Variants in KIF2A observed in about 807,000 individuals in gnomAD.
KIF2A encodes kinesin-like protein KIF2A.
Under a neutral mutation model 100.2 loss-of-function variants are expected in KIF2A, and 22 were observed. The observed-to-expected ratio is 0.22, with a 90% confidence interval of 0.16 to 0.31. The LOEUF is 0.31. KIF2A is among the 10% of genes least tolerant of loss of function. The pLI is 1.00. For synonymous variants in KIF2A, 268 were observed against 285.9 expected (o/e 0.94, Z 0.63); for missense variants, 495 against 898.7 (o/e 0.55, Z 5.74).
At chr5:62,332,184 T>A (rs947761758) in intron 1 of KIF2A, among the ~76,000 whole-genome samples, 1 of 152,212 alleles carries the variant, frequency 6.6e-6, no homozygotes, top group African/African-American at 2.4e-5. Context: ...AACTTGTTTT[T>A]GACAGCTCAA....
chr5:62,379,841 C>G (rs984043563), intron 19 of KIF2A, among the ~76,000 whole-genome samples: 2 of 152,138 alleles, frequency 1.3e-5, no homozygotes, highest in African/African-American at 4.8e-5. Flanking sequence ...AGCAAATCCA[C>G]GTATAAGAGC....
chr5:62,352,985 A>G (rs1056760434), intron 5 of KIF2A: 1 of 425,714 alleles, frequency 2.3e-6, no homozygotes, highest in African/African-American at 2.1e-5. Context: ...GATGTTACAG[A>G]AGAATGTGTT....
intron 19 of KIF2A, among the ~76,000 whole-genome samples, chr5:62,378,985 C>T (rs953886098): frequency 2.0e-5 from 3 of 151,770 alleles, no homozygotes; most frequent in Admixed American, 1.3e-4. Context: ...AAGTAGAGAA[C>T]GGATGCTAAT....
At chr5:62,322,773 A>G (rs975654848) in intron 1 of KIF2A, among the ~76,000 whole-genome samples, 4 of 151,994 alleles carry the variant, frequency 2.6e-5, no homozygotes, top group African/African-American at 7.2e-5. Context: ...CAGAGACCAT[A>G]GTAAACACAG....
Position 62,357,762 on chromosome 5 carries a change from G to C in KIF2A, c.709+17G>C. 1 of 1,423,524 alleles carries C rather than the reference G, an allele frequency of 7.0e-7. No homozygotes were observed. Among genetic ancestry groups the C allele is most frequent in the Non-Finnish European group, 9.9e-7 (1 of 1,013,590 alleles). 88.2% of individuals were successfully genotyped at this position (1,423,524 alleles called of 1,614,324 possible). A position where few individuals can be genotyped will look rare whatever the true frequency, so the allele number is the denominator to read the frequency against. ...ATAAAAAAGGTATGGCACTTAATGA[G>C]CTCTAATAAAAGATTGATTTTATCT... On this transcript the variant is annotated intron_variant, in intron 8 of 20. Transcript: ENST00000407818.
intron 16 of KIF2A, among the ~76,000 whole-genome samples, chr5:62,370,112 T>G (rs1741251281): frequency 6.6e-6 from 1 of 152,228 alleles, no homozygotes; most frequent in Non-Finnish European, 1.5e-5. Flanking sequence ...AGTGAGCAGT[T>G]CTGTCTAAAA....
intron 1 of KIF2A, among the ~76,000 whole-genome samples, chr5:62,332,035 A>G (rs1746683841): frequency 6.6e-6 from 1 of 152,182 alleles, no homozygotes; most frequent in Non-Finnish European, 1.5e-5. Context: ...TATACTTTAT[A>G]TGCTAGACAA....
chr5:62,366,048 G>A (rs1741052352), intron 15 of KIF2A, among the ~76,000 whole-genome samples: 1 of 151,960 alleles, frequency 6.6e-6, no homozygotes, highest in African/African-American at 2.4e-5. Context: ...GAGACTGCAA[G>A]TTTTCAGTCA....
intron 1 of KIF2A, among the ~76,000 whole-genome samples, chr5:62,333,778 G>A (rs181336512): frequency 6.6e-6 from 1 of 152,174 alleles, no homozygotes; most frequent in East Asian, 1.9e-4. Flanking sequence ...TACCTGTTTT[G>A]CCCAGCATCT....
At chr5:62,317,929 C>CA (rs35710593) in intron 1 of KIF2A, among the ~76,000 whole-genome samples, 37,749 of 152,070 alleles carry the variant, frequency 0.25, 4,765 homozygotes, top group Middle Eastern at 0.32. Flanking sequence ...CTCTCTTGCT[C>CA]ACAAGACTTT....
At chr5:62,308,338 A>G in intron 1 of KIF2A, 2 of 1,443,126 alleles carry the variant, frequency 1.4e-6, no homozygotes, top group Non-Finnish European at 1.8e-6. Context: ...ATACCAGCAA[A>G]AGTAGGATTT....
Position 62,381,201 on chromosome 5 carries a change from A to G in KIF2A, c.2097A>G (p.Thr699=). 1.2e-6 allele frequency: 2 copies of G among 1,611,100 alleles called. No individual in the cohort carries two copies. The highest frequency in any genetic ancestry group is 1.7e-6 in the Non-Finnish European group (2 of 1,177,340). Residue 699 remains threonine (T), a synonymous_variant, in exon 20 of 21, where the codon ACA becomes ACG. Coordinates refer to ENST00000407818, the MANE Select transcript of KIF2A (RefSeq NM_001098511.3). The stretch of plus-strand genomic sequence containing the variant: ...ATTATGATGTCGATTCATATGCTAC[A>G]CAACTTGAAGCTATTCTTGAGCAAA... ...EVDYDVDSYA[T]QLEAILEQKI... is the part of the protein sequence containing the mutation.
intron 1 of KIF2A, among the ~76,000 whole-genome samples, chr5:62,326,029 A>G (rs984817120): frequency 1.3e-5 from 2 of 152,146 alleles, no homozygotes; most frequent in African/African-American, 4.8e-5. Context: ...TACTCTGCTC[A>G]CTACCTGGGT....
chr5:62,363,387 TGAGGA>T, intron 13 of KIF2A, 67 bp downstream of exon 13: 1 of 1,413,990 alleles, frequency 7.1e-7, no homozygotes, highest in Non-Finnish European at 9.6e-7. Context: ...TATAACAAAA[TGAGGA>T]TGTTATCTAT....
intron 1 of KIF2A, among the ~76,000 whole-genome samples, chr5:62,318,452 TA>T (rs1477425805): frequency 6.6e-6 from 1 of 152,246 alleles, no homozygotes; most frequent in Non-Finnish European, 1.5e-5. Context: ...GTTTATTTTT[TA>T]AATTATAGCT....
chr5:62,331,056 T>C (rs1214840401), intron 1 of KIF2A, among the ~76,000 whole-genome samples: 1 of 152,262 alleles, frequency 6.6e-6, no homozygotes, highest in African/African-American at 2.4e-5. Flanking sequence ...ATAACTGAAG[T>C]TTTATTTTTA....
chr5:62,363,654 G>A (rs116231822), intron 13 of KIF2A, 41 bp from the exon 14 acceptor site: 1 of 1,526,292 alleles, frequency 6.6e-7, no homozygotes, highest in Admixed American at 1.8e-5. Flanking sequence ...CATGTAAATT[G>A]AAGTTTTTAA....
At chr5:62,354,481 G>GA (rs1295454939) in intron 6 of KIF2A, among the ~76,000 whole-genome samples, 4 of 152,130 alleles carry the variant, frequency 2.6e-5, no homozygotes, top group Admixed American at 2.6e-4. Flanking sequence ...TCAAGGCTAG[G>GA]AAAGACTGTT....
At chr5:62,344,211 G>C (rs897534278) in intron 1 of KIF2A, among the ~76,000 whole-genome samples, 1 of 152,050 alleles carries the variant, frequency 6.6e-6, no homozygotes, top group Non-Finnish European at 1.5e-5. Flanking sequence ...TGGGCGTGGT[G>C]GTGCGCACCT....
Sources: gnomAD v4.1 joint callset for allele counts (sites outside exome capture counted in the v4.1 genomes callset) on GRCh38, gnomAD v4.1.1 for gene constraint, MANE v1.5 for transcripts, NCBI Gene and HGNC (gene_info 2026-07-23, HGNC 2026-07-21) for gene names.